PDE11A: variants seen among roughly 807,000 people sequenced by gnomAD.
PDE11A encodes dual 3',5'-cyclic-AMP and -GMP phosphodiesterase 11A.
A neutral mutation model predicts 100.5 loss-of-function variants in PDE11A; 100 were observed. That is an observed-to-expected ratio of 1.00 (90% confidence interval 0.85 to 1.18). PDE11A has a LOEUF of 1.18. PDE11A is among the 50% of genes most tolerant of loss of function. PDE11A has a pLI of 0.00. For synonymous variants in PDE11A, 381 were observed against 420.8 expected (o/e 0.91, Z 1.16); for missense variants, 1,141 against 1,152.6 (o/e 0.99, Z 0.15).
chr2:177,713,228 C>T (rs950660899), intron 12 of PDE11A, among the ~76,000 whole-genome samples: 6 of 152,106 alleles, frequency 3.9e-5, no homozygotes, highest in Admixed American at 1.3e-4. Flanking sequence ...AGGCTGGGCT[C>T]GAACTCCTGA....
intron 9 of PDE11A, among the ~76,000 whole-genome samples, chr2:177,779,283 G>C (rs1053186227): frequency 3.3e-5 from 5 of 152,194 alleles, no homozygotes; most frequent in Non-Finnish European, 1.5e-5. Flanking sequence ...GGAGGGTCTT[G>C]CTTGAATGTT....
At chr2:177,889,525 T>C (rs1403994095) in intron 4 of PDE11A, among the ~76,000 whole-genome samples, 2 of 152,154 alleles carry the variant, frequency 1.3e-5, no homozygotes, top group Non-Finnish European at 1.5e-5. Flanking sequence ...CTCTTTAGAG[T>C]TGCCCAGAAT....
intron 2 of PDE11A, among the ~76,000 whole-genome samples, chr2:177,960,728 T>C (rs989135171): frequency 2.0e-5 from 3 of 152,202 alleles, no homozygotes; most frequent in Non-Finnish European, 2.9e-5. Context: ...CTCTTGTACA[T>C]GTACAACATA....
intron 5 of PDE11A, among the ~76,000 whole-genome samples, chr2:177,851,477 T>C (rs1182973830): frequency 1.3e-5 from 2 of 152,056 alleles, no homozygotes; most frequent in African/African-American, 4.8e-5. Context: ...ATGGCACATG[T>C]ATACATATGT....
At chr2:178,105,759 C>A in intron 1 of PDE11A, 1 of 1,093,304 alleles carries the variant, frequency 9.1e-7, no homozygotes, top group South Asian at 3.0e-5. Context: ...AGCTCTGAGC[C>A]CCTGGGCCAG....
chr2:177,854,263 G>T (rs1212326473), intron 5 of PDE11A, among the ~76,000 whole-genome samples: 2 of 151,970 alleles, frequency 1.3e-5, no homozygotes, highest in Non-Finnish European at 2.9e-5. Context: ...AAGCTCATTG[G>T]TCTGAAATAA....
At chr2:177,630,858 A>ACT (rs1433229622) in intron 19 of PDE11A, among the ~76,000 whole-genome samples, 1 of 152,156 alleles carries the variant, frequency 6.6e-6, no homozygotes. Context: ...AATTTTCTGG[A>ACT]CAGCTCAATG....
chr2:177,644,417 C>T (rs2080190121), intron 19 of PDE11A, among the ~76,000 whole-genome samples: 1 of 152,214 alleles, frequency 6.6e-6, no homozygotes, highest in South Asian at 2.1e-4. Context: ...GGATTTCAGA[C>T]TTGCATGGGG....
intron 19 of PDE11A, among the ~76,000 whole-genome samples, chr2:177,633,621 C>T (rs868020452): frequency 1.6e-4 from 25 of 152,272 alleles, no homozygotes; most frequent in Admixed American, 7.2e-4. Context: ...ATTGTAACTC[C>T]AGCAGCGATC....
At chr2:177,733,770 CA>C in intron 10 of PDE11A, among the ~76,000 whole-genome samples, 1 of 152,162 alleles carries the variant, frequency 6.6e-6, no homozygotes, top group East Asian at 1.9e-4. Flanking sequence ...TTTCTTTTGC[CA>C]ATATAATTAT....
intron 5 of PDE11A, among the ~76,000 whole-genome samples, chr2:177,859,977 T>C (rs2083917037): frequency 6.6e-6 from 1 of 151,798 alleles, no homozygotes; most frequent in Non-Finnish European, 1.5e-5. Flanking sequence ...AAGAAATGTA[T>C]GGCTATAAAT....
At chr2:177,723,492 A>T (rs2081559462) in intron 12 of PDE11A, among the ~76,000 whole-genome samples, 1 of 152,138 alleles carries the variant, frequency 6.6e-6, no homozygotes. Context: ...TTCTCTTTTC[A>T]TATCCAGTGA....
intron 2 of PDE11A, among the ~76,000 whole-genome samples, chr2:177,996,196 C>G (rs1388184085): frequency 2.6e-5 from 4 of 151,024 alleles, no homozygotes; most frequent in Middle Eastern, 3.4e-3. Context: ...TACTGCACTC[C>G]AGTGTGGGCA....
chr2:177,697,248 A>T, intron 15 of PDE11A, 84 bp downstream of exon 15: 2 of 779,186 alleles, frequency 2.6e-6, no homozygotes, highest in East Asian at 5.0e-5. Context: ...ATGCTAGAAT[A>T]ACAGGTAACC....
At chr2:177,668,496 TTGTG>T in intron 18 of PDE11A, among the ~76,000 whole-genome samples, 1 of 152,292 alleles carries the variant, frequency 6.6e-6, no homozygotes, top group Admixed American at 6.5e-5. Flanking sequence ...CAAATAATTG[TTGTG>T]TGTGTTTCAA....
chr2:177,709,498 G>T (rs552761042), intron 13 of PDE11A, among the ~76,000 whole-genome samples: 1 of 152,212 alleles, frequency 6.6e-6, no homozygotes, highest in Admixed American at 6.5e-5. Flanking sequence ...AGGTTGAGGG[G>T]ACTGTAGGAC....
At chr2:178,097,805 T>C (rs1433800494) in intron 2 of PDE11A, among the ~76,000 whole-genome samples, 1 of 152,180 alleles carries the variant, frequency 6.6e-6, no homozygotes, top group Non-Finnish European at 1.5e-5. Context: ...ATACAGAAGA[T>C]ACTCAGACAA....
intron 1 of PDE11A, among the ~76,000 whole-genome samples, chr2:178,017,674 C>T (rs941838164): frequency 5.9e-5 from 9 of 151,984 alleles, no homozygotes; most frequent in Non-Finnish European, 7.4e-5. Context: ...AAAAACAATT[C>T]GGGGGGCCAG....
At chr2:177,699,236 A>T (rs2081161745) in intron 14 of PDE11A, among the ~76,000 whole-genome samples, 1 of 152,166 alleles carries the variant, frequency 6.6e-6, no homozygotes, top group Admixed American at 6.5e-5. Flanking sequence ...ACATCCATAC[A>T]TCATATTACT....
Sources: allele counts gnomAD v4.1 joint callset (sites outside exome capture counted in the v4.1 genomes callset), GRCh38; gene constraint gnomAD v4.1.1; transcripts MANE v1.5; gene names NCBI Gene and HGNC (gene_info 2026-07-23, HGNC 2026-07-21).